The following RNF38 variants were observed in gnomAD, a reference collection of about 807,000 sequenced individuals.
The protein encoded by RNF38 is E3 ubiquitin-protein ligase RNF38.
In RNF38, 15 loss-of-function variants were observed where a neutral mutation model predicts 67.2. The ratio of observed to expected loss-of-function variants is 0.22; its 90% CI spans 0.15 to 0.34. The LOEUF (loss-of-function observed/expected upper bound fraction) is 0.34, where lower values mean the gene tolerates loss of function less well. Ranked by LOEUF, RNF38 falls within the 10% of genes least tolerant of loss-of-function variation. The pLI is 1.00. For missense variants in RNF38, 524 were observed against 639.9 expected, an observed-to-expected ratio of 0.82 and a Z score of 1.95; for synonymous variants, 220 against 218.8, an observed-to-expected ratio of 1.01 and a Z score of -0.05.
intron 1 of RNF38, among the ~76,000 whole-genome samples, chr9:36,465,162 G>A (rs1839830998): frequency 1.3e-5 from 2 of 152,146 alleles, no homozygotes; most frequent in South Asian, 4.1e-4. Context: ...CTGCTGGTGG[G>A]AATATAAAAT....
rs1472232510 is a variant in RNF38 at position 36,412,629 on chromosome 9, G to T, written n.312+11984C>A. ...GATCTCGCTTTGGTAGTCCACGAAA[G>T]ATCTGGTTGTTTAAAAGAACATGGC... On this transcript the variant is annotated intron_variant and non_coding_transcript_variant, in intron 2 of 3. Transcript: ENST00000488058. 2.0e-5 allele frequency among the ~76,000 whole-genome samples: 3 copies of T among 152,178 alleles called. No homozygotes were observed. The East Asian group carries it at 5.8e-4, about 29-fold the overall frequency.
rs552056506 is a variant in RNF38 at position 36,393,105 on chromosome 9, G to A, written c.13-2489C>T. On this transcript the variant is annotated intron_variant, in intron 1 of 11. Transcript: ENST00000259605. The stretch of plus-strand genomic sequence containing the variant: ...ATCCTTTGTAGCGTGTTATCCTAAG[G>A]CCATCCTGCCTTCAACTATCATGCC... 1.2e-3 allele frequency among the ~76,000 whole-genome samples: 185 copies of A among 152,112 alleles called. 2 individuals carry two copies. Among genetic ancestry groups the A allele is most frequent in the Non-Finnish European group, 1.5e-3 (99 of 68,032 alleles).
intron 2 of RNF38, among the ~76,000 whole-genome samples, chr9:36,379,119 C>T (rs776202866): frequency 7.9e-5 from 12 of 152,042 alleles, no homozygotes; most frequent in Non-Finnish European, 1.3e-4. Context: ...AGGATGGTCT[C>T]GAACTCTCGA....
chr9:36,378,775 G>A (rs932021559), intron 2 of RNF38, among the ~76,000 whole-genome samples: 1 of 152,190 alleles, frequency 6.6e-6, no homozygotes, highest in Non-Finnish European at 1.5e-5. Context: ...AAAAGTAGAG[G>A]TAAGGAAAGT....
chr9:36,478,616 G>A (rs935460215), intron 1 of RNF38, among the ~76,000 whole-genome samples: 1 of 151,334 alleles, frequency 6.6e-6, no homozygotes, highest in Non-Finnish European at 1.5e-5. Context: ...TCAGGAGTTC[G>A]AGACCAGCCT....
intron 2 of RNF38, among the ~76,000 whole-genome samples, chr9:36,412,508 G>C (rs891155235): frequency 2.6e-5 from 4 of 152,204 alleles, no homozygotes; most frequent in African/African-American, 9.7e-5. Flanking sequence ...GTAATCCCCA[G>C]TGTTGCAGAT....
At chr9:36,407,178 A>G (rs1239012133) in intron 2 of RNF38, among the ~76,000 whole-genome samples, 1 of 152,258 alleles carries the variant, frequency 6.6e-6, no homozygotes, top group Non-Finnish European at 1.5e-5. Context: ...TCAAAGTAGA[A>G]AAAGTTAATT....
chr9:36,378,865 G>A (rs1401869879), intron 2 of RNF38, among the ~76,000 whole-genome samples: 1 of 152,004 alleles, frequency 6.6e-6, no homozygotes, highest in Non-Finnish European at 1.5e-5. Context: ...GGGAAGTGAA[G>A]GGAGCTATTC....
At chr9:36,434,266 A>C (rs936871038) in intron 1 of RNF38, among the ~76,000 whole-genome samples, 2 of 53,706 alleles carry the variant, frequency 3.7e-5, no homozygotes, top group South Asian at 9.0e-4. Flanking sequence ...GGGAGAGGGG[A>C]GGGGGGGAAG....
chr9:36,341,453 T>A (rs1470089543), intron 11 of RNF38, among the ~76,000 whole-genome samples: 1 of 152,054 alleles, frequency 6.6e-6, no homozygotes, highest in African/African-American at 2.4e-5. Context: ...TTGACTATAT[T>A]TTTTTTATAT....
rs772553044 is a variant in RNF38, at chr9:36,475,006, G to A, written n.241+12302C>T. On this transcript the variant is annotated intron_variant and non_coding_transcript_variant, in intron 1 of 3. Transcript: ENST00000488058. ...AAAATAAAAAAATTAGCTGGGCATG[G>A]TTGTGTGCACTTGTCGTCCGAGCTA... is the stretch of plus-strand genomic sequence containing the variant. 7.5e-5 allele frequency among the ~76,000 whole-genome samples: 11 copies of A among 146,260 alleles called. 2 individuals are homozygous for A. The highest frequency in any genetic ancestry group is 5.5e-4 in the Admixed American group (8 of 14,612).
intron 2 of RNF38, among the ~76,000 whole-genome samples, chr9:36,419,271 A>C (rs1050053584): frequency 6.6e-6 from 1 of 152,176 alleles, no homozygotes; most frequent in African/African-American, 2.4e-5. Flanking sequence ...CTGTAAGTAC[A>C]TTTTCCATCT....
rs375038421 is a variant in RNF38, at chr9:36,375,984, T to C, written c.306A>G (p.Gln102=). 7.4e-6 allele frequency: 12 copies of C among 1,613,208 alleles called. No homozygotes were observed. Among genetic ancestry groups the C allele is most frequent in the East Asian group, 6.7e-5 (3 of 44,846 alleles). Residue 102 remains glutamine (Q), a synonymous_variant, in exon 3 of 12, where the codon CAA becomes CAG. Coordinates refer to ENST00000259605, the MANE Select transcript of RNF38 (RefSeq NM_022781.5). Reference sequence around the variant, plus strand: ...TGCATCGTTCCCCTGAGAAGTGATGTTGGCTTGGTCGAACTGAAGGGGGCT... The same window carrying C: ...TGCATCGTTCCCCTGAGAAGTGATGCTGGCTTGGTCGAACTGAAGGGGGCT... ...NRQPPSVRPS[Q]HHFSGERCNT... is the part of the protein sequence containing the mutation.
intron 1 of RNF38, among the ~76,000 whole-genome samples, chr9:36,466,115 T>C (rs748564658): frequency 6.6e-6 from 1 of 152,148 alleles, no homozygotes; most frequent in Non-Finnish European, 1.5e-5. Context: ...AACCTGAAAA[T>C]ACTATCTATT....
At chr9:36,383,225 CAG>C (rs975301248) in intron 2 of RNF38, among the ~76,000 whole-genome samples, 34 of 152,230 alleles carry the variant, frequency 2.2e-4, no homozygotes, top group African/African-American at 7.5e-4. Context: ...GTTGCTGAGA[CAG>C]AGTCTCGCTC....
chr9:36,421,311 T>A (rs1047853851), intron 2 of RNF38, among the ~76,000 whole-genome samples: 1 of 152,222 alleles, frequency 6.6e-6, no homozygotes, highest in Admixed American at 6.5e-5. Context: ...CACTGTGGGT[T>A]ACCCCTGAAC....
chr9:36,401,081 C>G, upstream of RNF38: 1 of 985,156 alleles, frequency 1.0e-6, no homozygotes, highest in Non-Finnish European at 1.2e-6. Context: ...CCACCCCGTC[C>G]CCTCGCCAGC....
intron 2 of RNF38, among the ~76,000 whole-genome samples, chr9:36,409,343 AAG>A (rs1423516963): frequency 2.6e-5 from 4 of 152,130 alleles, no homozygotes; most frequent in African/African-American, 9.7e-5. Context: ...GAAAGAAAGA[AAG>A]AAAAAAAGAA....
At position 36,369,948 on chromosome 9, in the gene RNF38, A is replaced by G; in HGVS notation, c.357-16T>C. 3 of 1,601,328 alleles carry G rather than the reference A, an allele frequency of 1.9e-6. No individual in the cohort carries two copies. Among genetic ancestry groups the G allele is most frequent in the South Asian group, 1.1e-5 (1 of 90,288 alleles). Reference sequence around the variant, plus strand: ...GACAGGAGGACTGTGATAAATATCAAAAAGAAAGTCATTATGCTTATTGTG... The same window carrying G: ...GACAGGAGGACTGTGATAAATATCAGAAAGAAAGTCATTATGCTTATTGTG... On this transcript the variant is annotated splice_polypyrimidine_tract_variant and intron_variant, in intron 3 of 11. Coordinates refer to ENST00000259605, the MANE Select transcript of RNF38 (RefSeq NM_022781.5).
Sources: gnomAD v4.1 joint callset for allele counts (sites outside exome capture counted in the v4.1 genomes callset) on GRCh38, gnomAD v4.1.1 for gene constraint, MANE v1.5 for transcripts, NCBI Gene and HGNC (gene_info 2026-07-23, HGNC 2026-07-21) for gene names.